Variants in UNC5C observed in about 807,000 individuals in gnomAD.
UNC5C encodes netrin receptor UNC5C.
A neutral mutation model predicts 99.8 loss-of-function variants in UNC5C; 47 were observed. That is an observed-to-expected ratio of 0.47 (90% CI 0.37 to 0.60). The LOEUF (loss-of-function observed/expected upper bound fraction) is 0.60, where lower values mean the gene tolerates loss of function less well. Among genes scored for constraint, UNC5C ranks in the 20% least tolerant of loss-of-function variants. The pLI, the probability that UNC5C is intolerant of heterozygous loss-of-function variation, is 0.00. For missense variants in UNC5C, 1,062 were observed against 1,165.9 expected (o/e 0.91, Z 1.30); for synonymous variants, 487 against 452.2 (o/e 1.08, Z -0.98).
chr4:95,195,748 C>T (rs953678907), intron 12 of UNC5C, among the ~76,000 whole-genome samples: 7 of 152,120 alleles, frequency 4.6e-5, no homozygotes, highest in Admixed American at 4.6e-4. Flanking sequence ...CTTCCGCCAA[C>T]CTCCTTTCTC....
At chr4:95,179,746 C>CAA (rs33974336) in intron 14 of UNC5C, among the ~76,000 whole-genome samples, 26,336 of 97,992 alleles carry the variant, frequency 0.27, 4,223 homozygotes, top group South Asian at 0.37. Context: ...GACTCCTTCT[C>CAA]AAAAAAAAAA....
chr4:95,369,434 C>A (rs1318734800), intron 1 of UNC5C, among the ~76,000 whole-genome samples: 3 of 151,508 alleles, frequency 2.0e-5, no homozygotes, highest in Non-Finnish European at 4.4e-5. Context: ...TGCCTGTAGT[C>A]CCAGCTACTT....
intron 2 of UNC5C, among the ~76,000 whole-genome samples, chr4:95,332,635 C>G: frequency 6.6e-6 from 1 of 150,970 alleles, no homozygotes. Flanking sequence ...AAAACCTAGG[C>G]ATTACCATTC....
chr4:95,244,115 T>C (rs1472193013), intron 6 of UNC5C, among the ~76,000 whole-genome samples: 1 of 152,152 alleles, frequency 6.6e-6, no homozygotes, highest in Non-Finnish European at 1.5e-5. Flanking sequence ...AGGATAAACA[T>C]GACCAAATTA....
At chr4:95,406,995 G>T (rs915744963) in intron 1 of UNC5C, among the ~76,000 whole-genome samples, 1 of 152,114 alleles carries the variant, frequency 6.6e-6, no homozygotes, top group Non-Finnish European at 1.5e-5. Flanking sequence ...GCTTCAAGAA[G>T]GAGGTATAAG....
chr4:95,505,555 G>A (rs1260038202), intron 1 of UNC5C, among the ~76,000 whole-genome samples: 4 of 152,018 alleles, frequency 2.6e-5, no homozygotes, highest in Non-Finnish European at 4.4e-5. Context: ...GTCATTGGGT[G>A]ACATAATATT....
At chr4:95,175,267 T>A (rs1031105920) in intron 14 of UNC5C, among the ~76,000 whole-genome samples, 1 of 151,890 alleles carries the variant, frequency 6.6e-6, no homozygotes, top group African/African-American at 2.4e-5. Flanking sequence ...TTGTTATGTG[T>A]GAATTTGAGC....
chr4:95,416,159 TA>T lies in UNC5C; in HGVS notation c.125-80529del, dbSNP rs1339851008. 1.4e-4 allele frequency among the ~76,000 whole-genome samples: 22 copies of T among 152,282 alleles called. No individual in the cohort carries two copies. In the East Asian group the frequency reaches 3.7e-3, roughly 25 times the overall value. On this transcript the variant is annotated intron_variant, in intron 1 of 15. Transcript: ENST00000453304. ...TTAAGCCCATGTGAGGAAGAACCTT[TA>T]AGTGCTTATTTTACAGAATGGGCTG... is the stretch of plus-strand genomic sequence containing the variant.
intron 3 of UNC5C, among the ~76,000 whole-genome samples, chr4:95,288,684 C>T (rs1003228849): frequency 2.0e-5 from 3 of 152,206 alleles, no homozygotes; most frequent in African/African-American, 7.2e-5. Flanking sequence ...CTTGCCTCTC[C>T]CAGATTCCAG....
intron 1 of UNC5C, among the ~76,000 whole-genome samples, chr4:95,498,408 T>A (rs536699283): frequency 1.8e-4 from 28 of 152,122 alleles, no homozygotes; most frequent in Non-Finnish European, 3.8e-4. Flanking sequence ...TAGCTGTACT[T>A]AAAATTAAAC....
At chr4:95,333,146 T>G (rs1162496166) in intron 2 of UNC5C, among the ~76,000 whole-genome samples, 1 of 152,108 alleles carries the variant, frequency 6.6e-6, no homozygotes, top group Non-Finnish European at 1.5e-5. Flanking sequence ...GTTCAACCAT[T>G]GCGGAAGTCA....
In UNC5C at chr4:95,216,171, C is replaced by G; in HGVS notation, c.1686G>C (p.Gly562=). The change falls in exon 10 of 16, where the codon GGG becomes GGC. Residue 562 remains glycine, a synonymous_variant. Transcript: ENST00000453304. ...CAGTCACATACATTTCGTAGACTCT[C>G]CCTTGGGGAATGGCCCCAGCGGGAA... The part of the protein sequence containing the change: ...LLIPAGAIPQ[G]RVYEMYVTVH... The G allele has an allele frequency of 6.2e-7, 1 of 1,613,778 alleles. No homozygotes were observed. The highest frequency in any genetic ancestry group is 8.5e-7 in the Non-Finnish European group (1 of 1,179,976).
chr4:95,460,330 A>G (rs1375693820), intron 1 of UNC5C, among the ~76,000 whole-genome samples: 1 of 152,090 alleles, frequency 6.6e-6, no homozygotes, highest in African/African-American at 2.4e-5. Flanking sequence ...TCTAAGCAAT[A>G]ACTTAAATAG....
intron 7 of UNC5C, among the ~76,000 whole-genome samples, chr4:95,228,719 C>T (rs1295471103): frequency 6.6e-6 from 1 of 152,188 alleles, no homozygotes; most frequent in Admixed American, 6.5e-5. Context: ...TGGTAGGCAC[C>T]TGGCTTAATT....
chr4:95,203,613 G>A (rs539246162), intron 11 of UNC5C, among the ~76,000 whole-genome samples: 1 of 152,176 alleles, frequency 6.6e-6, no homozygotes, highest in South Asian at 2.1e-4. Context: ...GGGACCACAG[G>A]TGTGTGCAAC....
chr4:95,312,606 A>G (rs1291432443), intron 2 of UNC5C, among the ~76,000 whole-genome samples: 1 of 152,180 alleles, frequency 6.6e-6, no homozygotes, highest in East Asian at 1.9e-4. Flanking sequence ...CATATAGCCA[A>G]TAAGTACCAA....
Position 95,176,316 on chromosome 4 carries a change from G to A in UNC5C, c.2452-5984C>T, listed in dbSNP as rs539345527. Among the ~76,000 whole-genome samples, 1,131 of 152,162 alleles carry A rather than the reference G, an allele frequency of 7.4e-3. 13 individuals carry two copies. The highest frequency in any genetic ancestry group is 0.026 in the African/African-American group (1,067 of 41,508). ...TGCGTTCCTTTGGAGGAGGAGAGGC[G>A]CTCTGCTTTTTAGAGTTTCCAGTTT... is the stretch of plus-strand genomic sequence containing the variant. On this transcript the variant is annotated intron_variant, in intron 14 of 15. Transcript: ENST00000453304.
chr4:95,462,104 C>T (rs576774092), intron 1 of UNC5C, among the ~76,000 whole-genome samples: 3 of 152,044 alleles, frequency 2.0e-5, no homozygotes, highest in South Asian at 2.1e-4. Context: ...AATATAACCG[C>T]GTTCAAGAAA....
At chr4:95,534,561 A>G (rs1722728655) in intron 1 of UNC5C, among the ~76,000 whole-genome samples, 1 of 152,112 alleles carries the variant, frequency 6.6e-6, no homozygotes, top group South Asian at 2.1e-4. Context: ...GTACACTTTC[A>G]TTTTACAAAT....
Sources: gnomAD v4.1 joint callset for allele counts (sites outside exome capture counted in the v4.1 genomes callset) on GRCh38, gnomAD v4.1.1 for gene constraint, MANE v1.5 for transcripts, NCBI Gene and HGNC (gene_info 2026-07-23, HGNC 2026-07-21) for gene names.